BMPR1B: variants seen among roughly 807,000 people sequenced by gnomAD.
BMPR1B encodes bone morphogenetic protein receptor type 1B, also known as bone morphogenetic protein receptor type-1B.
BMPR1B carries 12 observed loss-of-function variants against 59.1 expected under a neutral mutation model. That is an observed-to-expected ratio of 0.20 (90% confidence interval 0.13 to 0.33). The LOEUF is 0.33. BMPR1B is among the 10% of genes least tolerant of loss of function. The probability of loss-of-function intolerance (pLI) is 1.00; values close to 1 mark genes in which losing one functional copy is unlikely to be tolerated. For synonymous variants in BMPR1B, 237 were observed against 207.3 expected (o/e 1.14, Z -1.23); for missense variants, 550 against 610.9 (o/e 0.90, Z 1.05).
intron 3 of BMPR1B, among the ~76,000 whole-genome samples, chr4:95,014,726 A>T (rs1247471251): frequency 6.6e-6 from 1 of 152,184 alleles, no homozygotes; most frequent in East Asian, 1.9e-4. Context: ...GATCCTTAGA[A>T]ATTAAGTGAT....
At chr4:94,769,876 AG>A (rs1320394022) in intron 1 of BMPR1B, among the ~76,000 whole-genome samples, 2 of 152,252 alleles carry the variant, frequency 1.3e-5, no homozygotes, top group East Asian at 3.8e-4. Context: ...CACAGTGCTC[AG>A]CCATTAGTGA....
At chr4:95,049,758 C>A (rs1726328266) in intron 3 of BMPR1B, among the ~76,000 whole-genome samples, 1 of 151,698 alleles carries the variant, frequency 6.6e-6, no homozygotes, top group Non-Finnish European at 1.5e-5. Context: ...CTTGGAATTT[C>A]CATGTTTATT....
At chr4:94,770,463 A>G (rs923345517) in intron 1 of BMPR1B, among the ~76,000 whole-genome samples, 7 of 151,694 alleles carry the variant, frequency 4.6e-5, no homozygotes, top group African/African-American at 1.7e-4. Flanking sequence ...AAGTATAGTA[A>G]CCCTATAGTT....
rs58119571 is a variant in BMPR1B at position 95,061,160 on chromosome 4, AACACACACACACACACACACACACAC to A, written c.-17-43223_-17-43198del. ...GGAATTTTTGACTTGATTTAGAATA[AACACACACACACACACACACACACAC>A]ACACACACACACACACACACACACC... On this transcript the variant is annotated intron_variant, in intron 3 of 12. Transcript: ENST00000515059. Among the ~76,000 whole-genome samples, 106 of 142,668 alleles carry A rather than the reference AACACACACACACACACACACACACAC, an allele frequency of 7.4e-4. No homozygotes were observed. In the South Asian group the frequency reaches 0.014, roughly 19 times the overall value. 93.6% of individuals were successfully genotyped at this position (142,668 alleles called of 152,430 possible).
chr4:94,869,136 ACACACACT>A (rs1187214107), intron 1 of BMPR1B, among the ~76,000 whole-genome samples: 19 of 128,094 alleles, frequency 1.5e-4, no homozygotes, highest in African/African-American at 5.1e-4. Context: ...ACACACACAC[ACACACACT>A]TTGCTTTAAA....
At chr4:94,786,247 A>G (rs1479659850) in intron 1 of BMPR1B, among the ~76,000 whole-genome samples, 6 of 152,178 alleles carry the variant, frequency 3.9e-5, no homozygotes, top group Admixed American at 6.5e-5. Flanking sequence ...TTGGAATTAC[A>G]TGTTCTAGCA....
intron 2 of BMPR1B, among the ~76,000 whole-genome samples, chr4:94,944,857 G>C (rs1729650671): frequency 6.6e-6 from 1 of 152,146 alleles, no homozygotes; most frequent in African/African-American, 2.4e-5. Flanking sequence ...ACACATAATA[G>C]ATTCCAGCTT....
chr4:94,912,285 T>C (rs1728306547), intron 2 of BMPR1B, among the ~76,000 whole-genome samples: 1 of 151,996 alleles, frequency 6.6e-6, no homozygotes, highest in Non-Finnish European at 1.5e-5. Flanking sequence ...ACAATAAATA[T>C]CTGTTTTCTC....
chr4:95,140,937 C>T (rs1441347260), intron 10 of BMPR1B, among the ~76,000 whole-genome samples: 1 of 152,098 alleles, frequency 6.6e-6, no homozygotes, highest in Non-Finnish European at 1.5e-5. Context: ...CATACAAACC[C>T]TGATTCTAGG....
At chr4:94,901,406 G>A (rs1273832735) in intron 2 of BMPR1B, among the ~76,000 whole-genome samples, 2 of 151,930 alleles carry the variant, frequency 1.3e-5, no homozygotes, top group East Asian at 1.9e-4. Flanking sequence ...GAGAAGGAGT[G>A]CCTAAAATAT....
At chr4:94,925,233 T>C (rs1728841346) in intron 2 of BMPR1B, among the ~76,000 whole-genome samples, 1 of 152,134 alleles carries the variant, frequency 6.6e-6, no homozygotes, top group Non-Finnish European at 1.5e-5. Flanking sequence ...CTTACACTTT[T>C]AGTCAGTTTC....
intron 4 of BMPR1B, among the ~76,000 whole-genome samples, chr4:95,110,178 T>G (rs1181115396): frequency 6.6e-6 from 1 of 151,782 alleles, no homozygotes; most frequent in Admixed American, 6.6e-5. Context: ...GCTTGCTATA[T>G]GGAATGGATT....
intron 1 of BMPR1B, among the ~76,000 whole-genome samples, chr4:94,843,490 T>C (rs1038715769): frequency 6.6e-5 from 10 of 152,178 alleles, no homozygotes; most frequent in African/African-American, 2.4e-4. Flanking sequence ...TTCAGATGAA[T>C]GGTAATGGTT....
At chr4:95,022,684 C>CCATAGAGTT (rs1251414560) in intron 3 of BMPR1B, among the ~76,000 whole-genome samples, 1 of 151,652 alleles carries the variant, frequency 6.6e-6, no homozygotes, top group Admixed American at 6.6e-5. Flanking sequence ...GTGTGTGTAC[C>CCATAGAGTT]CATAGAGTTC....
chr4:94,820,507 G>A (rs4401454), intron 1 of BMPR1B, among the ~76,000 whole-genome samples: 119,753 of 152,050 alleles, frequency 0.79, 47,348 homozygotes, highest in East Asian at 0.91. Context: ...GTGTTCCATG[G>A]ATAAGTATTT....
intron 1 of BMPR1B, among the ~76,000 whole-genome samples, chr4:94,770,180 GTGTTT>G (rs369772087): frequency 4.9e-4 from 52 of 106,242 alleles, no homozygotes; most frequent in African/African-American, 1.3e-3. Context: ...CTTCGTTTCT[GTGTTT>G]GTTTTTTTTT....
At chr4:94,766,425 T>A (rs879736210) in intron 1 of BMPR1B, among the ~76,000 whole-genome samples, 13 of 143,858 alleles carry the variant, frequency 9.0e-5, no homozygotes, top group Non-Finnish European at 1.2e-4. Context: ...TTTTTTTTTT[T>A]AAACTCTTTT....
chr4:95,109,938 C>T (rs890875843), intron 4 of BMPR1B, among the ~76,000 whole-genome samples: 1 of 146,934 alleles, frequency 6.8e-6, no homozygotes, highest in Non-Finnish European at 1.5e-5. Flanking sequence ...TCAATTCCCA[C>T]CTATGAGTGA....
chr4:94,831,943 T>C (rs1353715301), intron 1 of BMPR1B, among the ~76,000 whole-genome samples: 3 of 152,218 alleles, frequency 2.0e-5, no homozygotes, highest in African/African-American at 4.8e-5. Flanking sequence ...AATCTGTCAC[T>C]GTCTCCCATC....
Sources: gnomAD v4.1 joint callset for allele counts (sites outside exome capture counted in the v4.1 genomes callset) on GRCh38, gnomAD v4.1.1 for gene constraint, MANE v1.5 for transcripts, NCBI Gene and HGNC (gene_info 2026-07-23, HGNC 2026-07-21) for gene names.